The following LAMA2 variants were observed in gnomAD, a reference collection of about 807,000 sequenced individuals.
LAMA2 encodes laminin subunit alpha-2.
In LAMA2, 269 loss-of-function variants were observed where a neutral mutation model predicts 364.8. The observed-to-expected ratio is 0.74, with a 90% CI of 0.67 to 0.82. The LOEUF (loss-of-function observed/expected upper bound fraction) is 0.82. Ranked by LOEUF, LAMA2 falls within the 40% of genes least tolerant of loss-of-function variation. LAMA2 has a pLI of 0.00. For missense variants in LAMA2, 3,807 were observed against 3,873.2 expected, an observed-to-expected ratio of 0.98 and a Z score of 0.45; for synonymous variants, 1,379 against 1,370.6, an observed-to-expected ratio of 1.01 and a Z score of -0.14.
intron 1 of LAMA2, among the ~76,000 whole-genome samples, chr6:128,949,884 C>A (rs1164907835): frequency 6.6e-6 from 1 of 151,966 alleles, no homozygotes; most frequent in Non-Finnish European, 1.5e-5. Context: ...TAAAGATGAA[C>A]CAGTTTTAAT....
At chr6:129,058,663 G>C (rs572770367) in intron 2 of LAMA2, among the ~76,000 whole-genome samples, 1 of 152,262 alleles carries the variant, frequency 6.6e-6, no homozygotes, top group South Asian at 2.1e-4. Flanking sequence ...GCAAGTTAAA[G>C]ACTGGCCGCA....
chr6:129,303,015 A>C (rs1773643271), intron 22 of LAMA2, among the ~76,000 whole-genome samples: 1 of 152,118 alleles, frequency 6.6e-6, no homozygotes, highest in South Asian at 2.1e-4. Context: ...ATTTGGCTGA[A>C]ATTATATTGA....
chr6:128,962,185 T>C (rs185353969), intron 1 of LAMA2, among the ~76,000 whole-genome samples: 11,115 of 103,562 alleles, frequency 0.11, 1,383 homozygotes, highest in African/African-American at 0.27. Context: ...TATATATATA[T>C]ACACACATAC....
At chr6:129,145,249 C>T (rs573979204) in intron 5 of LAMA2, among the ~76,000 whole-genome samples, 7 of 151,978 alleles carry the variant, frequency 4.6e-5, no homozygotes, top group African/African-American at 1.4e-4. Flanking sequence ...TTTCTTTCCT[C>T]GTTACTTAAC....
chr6:129,286,249 T>G (rs1486829493), intron 18 of LAMA2, among the ~76,000 whole-genome samples: 1 of 151,970 alleles, frequency 6.6e-6, no homozygotes, highest in Non-Finnish European at 1.5e-5. Context: ...AAAGACTTTA[T>G]CTTGGTAAGA....
chr6:129,187,640 C>T (rs1213709968), intron 10 of LAMA2, among the ~76,000 whole-genome samples: 1 of 151,830 alleles, frequency 6.6e-6, no homozygotes, highest in African/African-American at 2.4e-5. Flanking sequence ...GTATTAAATA[C>T]AGGCTGAGTA....
At chr6:129,295,551 T>G (rs946556208) in intron 20 of LAMA2, among the ~76,000 whole-genome samples, 1 of 152,192 alleles carries the variant, frequency 6.6e-6, no homozygotes, top group African/African-American at 2.4e-5. Context: ...TTGGTAGTAT[T>G]TATTTTGCTA....
chr6:128,937,541 T>C (rs1779901134), intron 1 of LAMA2, among the ~76,000 whole-genome samples: 1 of 152,162 alleles, frequency 6.6e-6, no homozygotes, highest in Non-Finnish European at 1.5e-5. Context: ...CGATTCTATG[T>C]GTCTAGCCTT....
rs761500524 is a variant in LAMA2 at position 129,473,337 on chromosome 6, C to T, written c.7424C>T (p.Thr2475Met). Reference sequence around the variant, plus strand: ...AAAATATATTTTGGTGGCCTGCCAACGCTGAGAAACTTGAGGTAATTTAGT... The same window carrying T: ...AAAATATATTTTGGTGGCCTGCCAATGCTGAGAAACTTGAGGTAATTTAGT... ...DDKIYFGGLP[T>M]LRNLSMKARP... The change falls in exon 52 of 65, where the codon ACG becomes ATG. Residue 2475 changes from threonine to methionine, a missense_variant. Around this residue, in one of 3 missense-constraint regions of LAMA2, gnomAD observed 3,333 missense variants for 3,345.7 expected, o/e 1.00. Coordinates refer to ENST00000421865, the MANE Select transcript of LAMA2 (RefSeq NM_000426.4). 2.4e-5 allele frequency: 39 copies of T among 1,612,192 alleles called. No homozygotes were observed. Among genetic ancestry groups the T allele is most frequent in the Admixed American group, 6.7e-5 (4 of 59,910 alleles).
intron 12 of LAMA2, among the ~76,000 whole-genome samples, chr6:129,196,124 G>C (rs553585746): frequency 1.3e-5 from 2 of 152,262 alleles, no homozygotes; most frequent in African/African-American, 4.8e-5. Flanking sequence ...CTATCTTTCT[G>C]TTTCTAGCTT....
intron 1 of LAMA2, among the ~76,000 whole-genome samples, chr6:128,890,391 G>A (rs921230015): frequency 6.6e-6 from 1 of 151,636 alleles, no homozygotes; most frequent in African/African-American, 2.4e-5. Flanking sequence ...ACCTCTTTTG[G>A]ACTTTTATAT....
At chr6:129,227,351 C>T (rs1276105293) in intron 12 of LAMA2, among the ~76,000 whole-genome samples, 1 of 152,340 alleles carries the variant, frequency 6.6e-6, no homozygotes, top group South Asian at 2.1e-4. Flanking sequence ...ATTCTCCATC[C>T]AGCTTTGTTC....
At chr6:129,219,523 C>G (rs1783653506) in intron 12 of LAMA2, among the ~76,000 whole-genome samples, 1 of 151,342 alleles carries the variant, frequency 6.6e-6, no homozygotes, top group Non-Finnish European at 1.5e-5. Context: ...AAGACACATG[C>G]ACACGTATGT....
intron 7 of LAMA2, among the ~76,000 whole-genome samples, chr6:129,152,836 T>G (rs1210940829): frequency 6.6e-6 from 1 of 152,228 alleles, no homozygotes; most frequent in Non-Finnish European, 1.5e-5. Flanking sequence ...TAGTACCCTG[T>G]GTACCCTTAG....
intron 58 of LAMA2, among the ~76,000 whole-genome samples, chr6:129,502,456 C>T (rs1367021738): frequency 1.3e-5 from 2 of 152,098 alleles, no homozygotes; most frequent in African/African-American, 4.8e-5. Flanking sequence ...TTAGCCATTC[C>T]AGGGTGTGAT....
chr6:128,969,651 A>G (rs1782067695), intron 1 of LAMA2, among the ~76,000 whole-genome samples: 3 of 152,026 alleles, frequency 2.0e-5, no homozygotes, highest in Non-Finnish European at 4.4e-5. Flanking sequence ...GGCTGTTCTC[A>G]AACTCCTGAG....
chr6:129,476,081 A>G (rs1784053593), intron 53 of LAMA2, among the ~76,000 whole-genome samples: 1 of 152,212 alleles, frequency 6.6e-6, no homozygotes, highest in Non-Finnish European at 1.5e-5. Flanking sequence ...TAGCATTAGC[A>G]TAAAAGCTGT....
At chr6:129,241,167 G>A (rs60889724) in intron 12 of LAMA2, among the ~76,000 whole-genome samples, 2,570 of 152,274 alleles carry the variant, frequency 0.017, 83 homozygotes, top group African/African-American at 0.06. Context: ...CCTTCTCTAT[G>A]TGTAATACAT....
At chr6:129,441,358 G>C (rs1782106598) in intron 43 of LAMA2, among the ~76,000 whole-genome samples, 1 of 152,144 alleles carries the variant, frequency 6.6e-6, no homozygotes, top group Non-Finnish European at 1.5e-5. Flanking sequence ...AAGTGTCATG[G>C]AACATAGAGG....
Sources: gnomAD v4.1 joint callset for allele counts (sites outside exome capture counted in the v4.1 genomes callset) on GRCh38, gnomAD v4.1.1 for gene constraint, gnomAD v4.1.1 regional missense constraint, MANE v1.5 for transcripts, NCBI Gene and HGNC (gene_info 2026-07-23, HGNC 2026-07-21) for gene names.